The following GPR176 variants were observed in gnomAD, a reference collection of about 807,000 sequenced individuals.
GPR176 encodes G protein-coupled receptor 176, also known as G-protein coupled receptor 176.
A neutral mutation model predicts 35.4 loss-of-function variants in GPR176; 26 were observed. The ratio of observed to expected loss-of-function variants is 0.74; its 90% CI spans 0.54 to 1.02. The LOEUF is 1.02. Among genes scored for constraint, GPR176 ranks in the 50% least tolerant of loss-of-function variants. GPR176 has a pLI of 0.00. For missense variants in GPR176, 597 were observed against 665.3 expected, an observed-to-expected ratio of 0.90 and a Z score of 1.13; for synonymous variants, 278 against 271.3, an observed-to-expected ratio of 1.02 and a Z score of -0.24.
chr15:39,912,012 A>C (rs1190879818), intron 1 of GPR176, among the ~76,000 whole-genome samples: 1 of 152,234 alleles, frequency 6.6e-6, no homozygotes, highest in East Asian at 1.9e-4. Flanking sequence ...ACCATGAAGG[A>C]ATGGAATACA....
chr15:39,805,785 A>G (rs539832623), intron 2 of GPR176, among the ~76,000 whole-genome samples: 1 of 152,352 alleles, frequency 6.6e-6, no homozygotes, highest in Admixed American at 6.5e-5. Context: ...ATATTGGTGC[A>G]GCCCATCCTA....
chr15:39,912,079 G>T (rs1158792161), intron 1 of GPR176, among the ~76,000 whole-genome samples: 2 of 152,118 alleles, frequency 1.3e-5, no homozygotes, highest in African/African-American at 2.4e-5. Context: ...GAAGGTCATT[G>T]GGCATCCAAA....
At chr15:39,805,987 C>T (rs945675894) in intron 2 of GPR176, among the ~76,000 whole-genome samples, 7 of 152,212 alleles carry the variant, frequency 4.6e-5, no homozygotes, top group African/African-American at 7.2e-5. Context: ...CTGGGGGCTT[C>T]GTGTGACTCT....
Position 39,801,339 on chromosome 15 carries a change from A to G in GPR176, c.1341T>C (p.Asp447=). ...AAPVEPETFP[D]KYSLQFGFGP... ...CAAAGCCAAACTGCAGGGAATACTTATCAGGGAATGTTTCAGGTTCCACAG... is the reference window on the plus strand; with the variant it reads ...CAAAGCCAAACTGCAGGGAATACTTGTCAGGGAATGTTTCAGGTTCCACAG... Residue 447 remains aspartate (D), a synonymous_variant, in exon 3 of 3, where the codon GAT becomes GAC. Coordinates refer to ENST00000561100, the MANE Select transcript of GPR176 (RefSeq NM_007223.3). The G allele has an allele frequency of 6.2e-7, 1 of 1,614,148 alleles. No homozygotes were observed. The highest frequency in any genetic ancestry group is 8.5e-7 in the Non-Finnish European group (1 of 1,179,986).
chr15:39,846,567 A>C (rs2030441977), intron 1 of GPR176, among the ~76,000 whole-genome samples: 1 of 152,196 alleles, frequency 6.6e-6, no homozygotes, highest in South Asian at 2.1e-4. Flanking sequence ...AAAGAAAAAA[A>C]CTTTTGAAAA....
At chr15:39,864,807 T>C (rs2031759293) in intron 1 of GPR176, among the ~76,000 whole-genome samples, 1 of 151,542 alleles carries the variant, frequency 6.6e-6, no homozygotes, top group Non-Finnish European at 1.5e-5. Context: ...GGGACTAATA[T>C]CCAGAATTTA....
At chr15:39,909,522 T>C (rs1335049934) in intron 1 of GPR176, among the ~76,000 whole-genome samples, 1 of 152,218 alleles carries the variant, frequency 6.6e-6, no homozygotes, top group Non-Finnish European at 1.5e-5. Flanking sequence ...TTTGTCCTGC[T>C]GCATTATGCA....
chr15:39,870,138 T>C (rs1262572783), intron 1 of GPR176, among the ~76,000 whole-genome samples: 1 of 152,194 alleles, frequency 6.6e-6, no homozygotes, highest in Non-Finnish European at 1.5e-5. Flanking sequence ...TCCAACTTCC[T>C]GCCCCCATTG....
intron 1 of GPR176, among the ~76,000 whole-genome samples, chr15:39,875,455 G>A (rs540033058): frequency 2.6e-5 from 4 of 152,272 alleles, no homozygotes; most frequent in African/African-American, 9.6e-5. Context: ...TCTTGGAGCT[G>A]ACACTTTAAA....
chr15:39,907,556 C>T (rs1378387322), intron 1 of GPR176, among the ~76,000 whole-genome samples: 1 of 152,164 alleles, frequency 6.6e-6, no homozygotes, highest in Non-Finnish European at 1.5e-5. Flanking sequence ...ATCCACACCC[C>T]ATAATTGACT....
chr15:39,801,825 C>A lies in GPR176; in HGVS notation c.855G>T (p.Leu285=). 6.2e-7 allele frequency: 1 copy of A among 1,613,964 alleles called. No individual in the cohort carries two copies. Among genetic ancestry groups the A allele is most frequent in the Non-Finnish European group, 8.5e-7 (1 of 1,179,892 alleles). The change falls in exon 3 of 3, where the codon CTG becomes CTT. Residue 285 remains leucine (L), a synonymous_variant. Coordinates refer to ENST00000561100, the MANE Select transcript of GPR176 (RefSeq NM_007223.3). ...CATTGAGCACAGTCTGGTAGACGAC[C>A]AGGGTGGCATAGGGCACGCTACACA... ...FILCSVPYAT[L]VVYQTVLNVP...
rs1322560785 is a variant in GPR176 at position 39,800,289 on chromosome 15, C to T, written c.*843G>A. 1 of 152,140 alleles carries T rather than the reference C, an allele frequency of 6.6e-6. No homozygotes were observed. The highest frequency in any genetic ancestry group is 2.4e-5 in the African/African-American group (1 of 41,422). The allele number at this position is 152,140 out of a possible 1,614,324, so 9.4% of individuals were successfully genotyped here. A position where few individuals can be genotyped will look rare whatever the true frequency, so the allele number is the denominator to read the frequency against. On this transcript the variant is annotated 3_prime_UTR_variant, in exon 3 of 3. Coordinates refer to ENST00000561100, the MANE Select transcript of GPR176 (RefSeq NM_007223.3). ...CATAGGGAAGAAAAAAAAACTACAG[C>T]GCCATAGGCATCTCTCAGGCATCTC...
At chr15:39,863,785 G>A (rs2031711013) in intron 1 of GPR176, among the ~76,000 whole-genome samples, 1 of 152,146 alleles carries the variant, frequency 6.6e-6, no homozygotes, top group African/African-American at 2.4e-5. Flanking sequence ...CTTAACCACT[G>A]TGTAATAATC....
At chr15:39,859,501 AAAAC>A (rs2031458388) in intron 1 of GPR176, among the ~76,000 whole-genome samples, 3 of 147,666 alleles carry the variant, frequency 2.0e-5, no homozygotes, top group East Asian at 3.9e-4. Flanking sequence ...GAAAAAAAAA[AAAAC>A]AAAACAAAAA....
intron 1 of GPR176, among the ~76,000 whole-genome samples, chr15:39,902,148 G>C (rs538583330): frequency 6.6e-6 from 1 of 152,156 alleles, no homozygotes; most frequent in Non-Finnish European, 1.5e-5. Flanking sequence ...ATTTCTGTTG[G>C]TGAAACTCAA....
intron 1 of GPR176, among the ~76,000 whole-genome samples, chr15:39,812,947 C>A (rs1899669764): frequency 6.6e-6 from 1 of 151,966 alleles, no homozygotes. Flanking sequence ...GTTGCCCAGG[C>A]TTGTCTCGAA....
At chr15:39,834,442 T>C (rs4924393) in intron 1 of GPR176, among the ~76,000 whole-genome samples, 70,715 of 151,976 alleles carry the variant, frequency 0.47, 17,876 homozygotes, top group Admixed American at 0.59. Flanking sequence ...GCAAGCCCTA[T>C]AATAAGCTTC....
At chr15:39,888,510 C>A (rs182901694) in intron 1 of GPR176, among the ~76,000 whole-genome samples, 89 of 152,268 alleles carry the variant, frequency 5.8e-4, no homozygotes, top group African/African-American at 2.0e-3. Flanking sequence ...CTCACCATAA[C>A]CTCAAACTCC....
chr15:39,880,626 C>T (rs903115924), intron 1 of GPR176, among the ~76,000 whole-genome samples: 1 of 152,104 alleles, frequency 6.6e-6, no homozygotes, highest in Non-Finnish European at 1.5e-5. Flanking sequence ...TTTTACCCCA[C>T]CTGCTTCTCC....
Sources: gnomAD v4.1 joint callset for allele counts (sites outside exome capture counted in the v4.1 genomes callset) on GRCh38, gnomAD v4.1.1 for gene constraint, MANE v1.5 for transcripts, NCBI Gene and HGNC (gene_info 2026-07-23, HGNC 2026-07-21) for gene names.